The following EED variants were observed in gnomAD, a reference collection of about 807,000 sequenced individuals.
EED encodes the protein embryonic ectoderm development, also known as polycomb protein EED.
A neutral mutation model predicts 61.0 loss-of-function variants in EED; 9 were observed. That is an observed-to-expected ratio of 0.15 (90% CI 0.09 to 0.26). The LOEUF (loss-of-function observed/expected upper bound fraction) is 0.26. Ranked by LOEUF, EED falls within the 10% of genes least tolerant of loss-of-function variation. EED has a pLI of 1.00. For synonymous variants in EED, 187 were observed against 174.4 expected, an observed-to-expected ratio of 1.07 and a Z score of -0.57; for missense variants, 315 against 542.3, an observed-to-expected ratio of 0.58 and a Z score of 4.16.
At chr11:86,255,636 T>C (rs1483414983) in intron 4 of EED, among the ~76,000 whole-genome samples, 1 of 152,170 alleles carries the variant, frequency 6.6e-6, no homozygotes, top group East Asian at 1.9e-4. Flanking sequence ...GCCTAGAATA[T>C]ATCATTTCAT....
At chr11:86,262,197 T>C (rs1298025926) in intron 6 of EED, among the ~76,000 whole-genome samples, 2 of 152,114 alleles carry the variant, frequency 1.3e-5, no homozygotes, top group African/African-American at 4.8e-5. Flanking sequence ...TTTTTTTCTT[T>C]ACATGGCCAG....
intron 3 of EED, among the ~76,000 whole-genome samples, chr11:86,253,916 C>T (rs12284095): frequency 6.6e-6 from 1 of 151,542 alleles, no homozygotes; most frequent in African/African-American, 2.4e-5. Flanking sequence ...GGCATGATAG[C>T]GAGTGCCTGT....
intron 6 of EED, among the ~76,000 whole-genome samples, chr11:86,260,984 C>T (rs1345843040): frequency 6.6e-6 from 1 of 151,374 alleles, no homozygotes. Flanking sequence ...TGACCTAACG[C>T]TTCTCATTAG....
At chr11:86,261,004 C>G (rs1470954397) in intron 6 of EED, among the ~76,000 whole-genome samples, 2 of 151,900 alleles carry the variant, frequency 1.3e-5, no homozygotes, top group Non-Finnish European at 2.9e-5. Flanking sequence ...GGTCTCATCT[C>G]CCAACACTGC....
chr11:86,265,081 G>A (rs1279628649), intron 7 of EED: 1 of 152,178 alleles, frequency 6.6e-6, no homozygotes, highest in Non-Finnish European at 1.5e-5. Flanking sequence ...CTGGCTTTAT[G>A]TGTGTAAAAG....
At chr11:86,266,011 A>C (rs912218179) in intron 7 of EED, 72 bp from the exon 8 acceptor site, 33 of 1,357,152 alleles carry the variant, frequency 2.4e-5, no homozygotes, top group Non-Finnish European at 3.1e-5. Flanking sequence ...ACTATGTTGC[A>C]CATTAGGCAA....
intron 1 of EED, among the ~76,000 whole-genome samples, chr11:86,248,837 C>G (rs925009097): frequency 2.0e-5 from 3 of 152,016 alleles, no homozygotes; most frequent in African/African-American, 4.8e-5. Flanking sequence ...TGGGCGACAT[C>G]GTGAAACTCT....
At position 86,264,188 on chromosome 11, in the gene EED, A is replaced by G. The variant is rs147153744; in HGVS notation, c.651A>G (p.Leu217=). 3.1e-6 allele frequency: 5 copies of G among 1,613,938 alleles called. No individual in the cohort carries two copies. Among genetic ancestry groups the G allele is most frequent in the African/African-American group, 1.3e-5 (1 of 75,062 alleles). ...TTATACTAGATCATGCTTTACGATT[A>G]TGGAATATCCAGACGGACACTCTGG... The part of the protein sequence containing the change: ...LSVSKDHALR[L]WNIQTDTLVA... Residue 217 remains leucine, a synonymous_variant, in exon 7 of 12, where the codon TTA becomes TTG. Coordinates refer to ENST00000263360, the MANE Select transcript of EED (RefSeq NM_003797.5).
chr11:86,260,516 A>ACTACACCTGGC lies in EED; in HGVS notation c.634+2922_634+2923insACACCTGGCCT, dbSNP rs1555178211. On this transcript the variant is annotated intron_variant, in intron 6 of 11. Coordinates refer to ENST00000263360, the MANE Select transcript of EED (RefSeq NM_003797.5). ...AGTGCTGGGATTACAGGTGTGAGCTACTGCTGTACATTCTTTATTAATGTT... is the reference window on the plus strand; with the variant it reads ...AGTGCTGGGATTACAGGTGTGAGCTACTACACCTGGCCTGCTGTACATTCTTTATTAATGTT... Among the ~76,000 whole-genome samples the ACTACACCTGGC allele has an allele frequency of 4.0e-5, 6 of 151,600 alleles. No individual in the cohort carries two copies. In the South Asian group the frequency reaches 8.3e-4, roughly 21 times the overall value.
At chr11:86,246,645 C>T (rs974608881) in intron 1 of EED, among the ~76,000 whole-genome samples, 2 of 152,124 alleles carry the variant, frequency 1.3e-5, no homozygotes, top group African/African-American at 4.8e-5. Flanking sequence ...GATTGTGCGC[C>T]CCAATCTCAC....
chr11:86,280,539 G>C (rs534178854), downstream of EED, among the ~76,000 whole-genome samples: 4 of 152,284 alleles, frequency 2.6e-5, no homozygotes, highest in East Asian at 7.7e-4. Flanking sequence ...AAGGTTCTTA[G>C]AAGTTATATC....
Position 86,245,108 on chromosome 11 carries a change from G to C in EED, c.-122G>C. ...CTGGGCGCGATTTGCGACAGTGGGGGGGGCGGTGGAGGTGGCGGCGGCAGC... is the reference window on the plus strand; with the variant it reads ...CTGGGCGCGATTTGCGACAGTGGGGCGGGCGGTGGAGGTGGCGGCGGCAGC... On this transcript the variant is annotated 5_prime_UTR_variant, in exon 1 of 12. Transcript: ENST00000263360. The C allele has an allele frequency of 1.5e-6, 1 of 684,966 alleles. No homozygotes were observed. Among genetic ancestry groups the C allele is most frequent in the Admixed American group, 3.3e-5 (1 of 29,958 alleles). 42.4% of individuals were successfully genotyped at this position (684,966 alleles called of 1,614,324 possible).
intron 4 of EED, 72 bp from the exon 5 acceptor site, chr11:86,256,315 A>C (rs1466426231): frequency 2.2e-6 from 3 of 1,376,376 alleles, no homozygotes; most frequent in Non-Finnish European, 2.9e-6. Flanking sequence ...AGTTCTTTAT[A>C]AGTTTCTATT....
Position 86,277,067 on chromosome 11 carries a change from A to G in EED, c.1054A>G (p.Ile352Val), listed in dbSNP as rs760494356. The G allele has an allele frequency of 1.9e-6, 3 of 1,594,876 alleles. No homozygotes were observed. Among genetic ancestry groups the G allele is most frequent in the South Asian group, 2.3e-5 (2 of 88,086 alleles). Residue 352 changes from isoleucine (I) to valine (V), a missense_variant, in exon 10 of 12, where the codon ATT (isoleucine) becomes GTT (valine). Transcript: ENST00000263360. ...KIKPSESNVT[I>V]LGRFDYSQCD... ...TAAACCCAGTGAATCTAATGTGACT[A>G]TTCTTGGGCGATTTGATTACAGCCA...
intron 9 of EED, among the ~76,000 whole-genome samples, chr11:86,275,145 C>T (rs898442802): frequency 2.0e-5 from 3 of 152,116 alleles, no homozygotes; most frequent in Non-Finnish European, 2.9e-5. Context: ...CAACGGTTAT[C>T]GTTTGTGTTC....
intron 10 of EED, 77 bp downstream of exon 10, chr11:86,277,215 C>G: frequency 9.7e-6 from 13 of 1,344,060 alleles, no homozygotes; most frequent in Non-Finnish European, 1.3e-5. Flanking sequence ...TCTGTTGTGT[C>G]CATGTTCTTT....
At chr11:86,256,551 G>T in intron 5 of EED, 39 bp downstream of exon 5, 1 of 1,514,140 alleles carries the variant, frequency 6.6e-7, no homozygotes, top group South Asian at 1.3e-5. Flanking sequence ...TGCTTCTTTT[G>T]AATCCACAAC....
intron 9 of EED, chr11:86,270,243 C>G: frequency 1.8e-6 from 1 of 564,198 alleles, no homozygotes; most frequent in Non-Finnish European, 3.2e-6. Context: ...TCCCTGATGG[C>G]TAGTGATGTT....
chr11:86,265,402 G>A (rs967798064), intron 7 of EED: 1 of 152,136 alleles, frequency 6.6e-6, no homozygotes, highest in Non-Finnish European at 1.5e-5. Context: ...GAGGTGGATA[G>A]GTGTGTGAGA....
Sources: gnomAD v4.1 joint callset for allele counts (sites outside exome capture counted in the v4.1 genomes callset) on GRCh38, gnomAD v4.1.1 for gene constraint, MANE v1.5 for transcripts, NCBI Gene and HGNC (gene_info 2026-07-23, HGNC 2026-07-21) for gene names.